SLC27A1: variants seen among roughly 807,000 people sequenced by gnomAD.
SLC27A1 encodes the protein long-chain fatty acid transport protein 1.
Under a neutral mutation model 62.2 loss-of-function variants are expected in SLC27A1, and 61 were observed. That is an observed-to-expected ratio of 0.98 (90% CI 0.80 to 1.21). The LOEUF is 1.21. Among genes scored for constraint, SLC27A1 ranks in the 50% most tolerant of loss-of-function variants. The probability of loss-of-function intolerance (pLI) is 0.00; values close to 1 mark genes in which losing one functional copy is unlikely to be tolerated. For missense variants in SLC27A1, 903 were observed against 932.1 expected (o/e 0.97, Z 0.41); for synonymous variants, 435 against 408.6 (o/e 1.06, Z -0.78).
At chr19:17,494,228 T>C (rs1317059485) in intron 6 of SLC27A1, among the ~76,000 whole-genome samples, 2 of 151,696 alleles carry the variant, frequency 1.3e-5, no homozygotes, top group African/African-American at 4.9e-5. Context: ...TTTCACGGTG[T>C]TAGCCAGGAT....
At chr19:17,488,802 A>T (rs2075263940) in intron 4 of SLC27A1, 46 bp from the exon 5 acceptor site, 3 of 1,559,430 alleles carry the variant, frequency 1.9e-6, no homozygotes, top group Non-Finnish European at 2.6e-6. Flanking sequence ...ACCCTGGGGG[A>T]TTTAGGTCCC....
chr19:17,481,366 G>T (rs543835543), intron 1 of SLC27A1, among the ~76,000 whole-genome samples: 7 of 148,184 alleles, frequency 4.7e-5, no homozygotes, highest in African/African-American at 1.8e-4. Flanking sequence ...ACCCAGGCTG[G>T]AGTGCAGTGG....
At position 17,470,579 on chromosome 19, in the gene SLC27A1, G is replaced by A. The variant is rs1002796349; in HGVS notation, c.39G>A (p.Ser13=). 7.0e-6 allele frequency: 11 copies of A among 1,571,806 alleles called. No homozygotes were observed. In the East Asian group the frequency reaches 1.4e-4, roughly 20 times the overall value. ...GTGCGGGCGCGGCCTCGGTGGTCTC[G>A]CTGGCGCTGTTGTGGCTGCTGGGGC... ...APGAGAASVV[S]LALLWLLGLP... is the part of the protein sequence containing the mutation. Residue 13 remains serine, a synonymous_variant, in exon 1 of 12, where the codon TCG becomes TCA. Transcript: ENST00000252595.
chr19:17,479,247 A>G (rs1011490946), intron 1 of SLC27A1, among the ~76,000 whole-genome samples: 2 of 152,204 alleles, frequency 1.3e-5, no homozygotes, highest in Non-Finnish European at 2.9e-5. Flanking sequence ...CTCTACAAAA[A>G]AATAAAACAA....
chr19:17,499,123 G>A (rs981201522), intron 7 of SLC27A1: 6 of 200,774 alleles, frequency 3.0e-5, no homozygotes, highest in African/African-American at 7.1e-5. Context: ...CCGGGGGAAA[G>A]GGAGACTCCC....
chr19:17,470,746 G>A (rs1226183063), intron 1 of SLC27A1, 39 bp downstream of exon 1: 9 of 1,531,426 alleles, frequency 5.9e-6, no homozygotes, highest in Non-Finnish European at 7.0e-6. Flanking sequence ...TGGGGGCGGG[G>A]CTGAGGGCTC....
At chr19:17,471,659 G>A (rs1323114908) in intron 1 of SLC27A1, among the ~76,000 whole-genome samples, 1 of 152,136 alleles carries the variant, frequency 6.6e-6, no homozygotes, top group Non-Finnish European at 1.5e-5. Context: ...AGATGGAGTA[G>A]CAAGAGGGAC....
chr19:17,501,390 T>C lies in SLC27A1; in HGVS notation c.1754T>C (p.Leu585Pro). The C allele has an allele frequency of 6.2e-7, 1 of 1,613,648 alleles. No individual in the cohort carries two copies. Among genetic ancestry groups the C allele is most frequent in the Non-Finnish European group, 8.5e-7 (1 of 1,179,882 alleles). ...GCACCCTATGCCCGGCCCATCTTCC[T>C]GCGCCTCCTGCCCCAGGTGGACACC... is the stretch of plus-strand genomic sequence containing the variant. ...VLAPYARPIF[L>P]RLLPQVDTTG... The change falls in exon 11 of 12, where the codon CTG becomes CCG. Residue 585 changes from leucine to proline, a missense_variant. Coordinates refer to ENST00000252595, the MANE Select transcript of SLC27A1 (RefSeq NM_198580.3).
In SLC27A1 at chr19:17,505,530, A is replaced by G. The variant is rs1014392927; in HGVS notation, c.*918A>G. On this transcript the variant is annotated 3_prime_UTR_variant, in exon 12 of 12. Transcript: ENST00000252595. ...TTTTGCACTTCCCCGTTCCTGTCACATTTCCCCAGCCCCACCTTCCCCTCC... is the reference window on the plus strand; with the variant it reads ...TTTTGCACTTCCCCGTTCCTGTCACGTTTCCCCAGCCCCACCTTCCCCTCC... The G allele has an allele frequency of 1.3e-5, 2 of 152,702 alleles. No individual in the cohort carries two copies. The highest frequency in any genetic ancestry group is 4.8e-5 in the African/African-American group (2 of 41,392). The allele number at this position is 152,702 out of a possible 1,614,324, so 9.5% of individuals were successfully genotyped here.
intron 6 of SLC27A1, 107 bp downstream of exon 6, chr19:17,489,224 A>C (rs2075270819): frequency 2.3e-6 from 2 of 875,830 alleles, no homozygotes; most frequent in Non-Finnish European, 3.6e-6. Flanking sequence ...CCTCCCAGCA[A>C]AGCCCCACCT....
Position 17,486,529 on chromosome 19 carries a change from C to T in SLC27A1, c.168-34C>T. On this transcript the variant is annotated intron_variant, in intron 1 of 11. Coordinates refer to ENST00000252595, the MANE Select transcript of SLC27A1 (RefSeq NM_198580.3). The surrounding 1 kb of genome is among the most constrained non-coding windows in gnomAD (Gnocchi z 6.6). ...CCCAGAGGCCAGGCGGGGCAGGGCA[C>T]CAGTGACGCTGTCCCCTCCGTCCTC... 6.5e-7 allele frequency: 1 copy of T among 1,536,364 alleles called. No homozygotes were observed. The highest frequency in any genetic ancestry group is 1.2e-5 in the South Asian group (1 of 84,280).
intron 6 of SLC27A1, among the ~76,000 whole-genome samples, chr19:17,493,706 C>T (rs1056835961): frequency 6.7e-6 from 1 of 149,658 alleles, no homozygotes; most frequent in Non-Finnish European, 1.5e-5. Flanking sequence ...CTCACTGCAA[C>T]CTCCTTCTCC....
At chr19:17,474,876 C>T (rs747966766) in intron 1 of SLC27A1, among the ~76,000 whole-genome samples, 1 of 150,236 alleles carries the variant, frequency 6.7e-6, no homozygotes, top group African/African-American at 2.4e-5. Flanking sequence ...GTGATCTGCC[C>T]GCCTGGGCCT....
intron 6 of SLC27A1, among the ~76,000 whole-genome samples, chr19:17,494,517 G>T (rs1293521577): frequency 6.6e-6 from 1 of 151,270 alleles, no homozygotes; most frequent in Non-Finnish European, 1.5e-5. Context: ...AGTAGAGATG[G>T]GGTTTCACCA....
chr19:17,500,264 T>C lies in SLC27A1; in HGVS notation c.1207-14T>C. 6.2e-7 allele frequency: 1 copy of C among 1,612,566 alleles called. No homozygotes were observed. The highest frequency in any genetic ancestry group is 2.2e-5 in the East Asian group (1 of 44,886). The stretch of plus-strand genomic sequence containing the variant: ...TATCCCCGGCTCCTTCCAACTCAGT[T>C]CACCCCATTCCAGGTCGGCTCCTGT... On this transcript the variant is annotated splice_polypyrimidine_tract_variant and intron_variant, in intron 7 of 11. Coordinates refer to ENST00000252595, the MANE Select transcript of SLC27A1 (RefSeq NM_198580.3).
upstream of SLC27A1, chr19:17,470,419 GGGCGCAGAGCCGAGGCC>G: frequency 1.7e-6 from 2 of 1,198,202 alleles, no homozygotes; most frequent in Non-Finnish European, 2.2e-6. Flanking sequence ...GACTCGCGGG[GGGCGCAGAGCCGAGGCC>G]TGGGGGCGCG....
Position 17,500,626 on chromosome 19 carries a change from C to G in SLC27A1, c.1465C>G (p.Leu489Val), listed in dbSNP as rs766846520. Residue 489 changes from leucine (L) to valine (V), a missense_variant, in exon 9 of 12, where the codon CTC (leucine) becomes GTC (valine). Physicochemically the swap from Leu to Val is conservative, Grantham distance 32. Coordinates refer to ENST00000252595, the MANE Select transcript of SLC27A1 (RefSeq NM_198580.3). ...CTTCAGCAAGGGCGACAGCGCCTAC[C>G]TCTCAGGTGCGCAGCCTGCTAGGCC... is the stretch of plus-strand genomic sequence containing the variant. Reference protein sequence around the residue: ...SVFSKGDSAYLSGDVLVMDEL... With the variant: ...SVFSKGDSAYVSGDVLVMDEL... 14 of 1,613,690 alleles carry G rather than the reference C, an allele frequency of 8.7e-6. No individual in the cohort carries two copies. The highest frequency in any genetic ancestry group is 5.0e-5 in the Admixed American group (3 of 59,992).
At chr19:17,487,723 C>T (rs1175990606) in intron 4 of SLC27A1, among the ~76,000 whole-genome samples, 194 bp downstream of exon 4, 3 of 152,112 alleles carry the variant, frequency 2.0e-5, no homozygotes, top group Non-Finnish European at 4.4e-5. Flanking sequence ...TCATTGCAAC[C>T]CTCATAACTG....
At chr19:17,503,898 C>G (rs1024461554) in intron 11 of SLC27A1, among the ~76,000 whole-genome samples, 9 of 143,852 alleles carry the variant, frequency 6.3e-5, no homozygotes, top group Non-Finnish European at 1.2e-4. Context: ...CACCACTGCA[C>G]TCCAGCCTGG....
Sources: allele counts gnomAD v4.1 joint callset (sites outside exome capture counted in the v4.1 genomes callset), GRCh38; gene constraint gnomAD v4.1.1; non-coding constraint Gnocchi (gnomAD v3.1); transcripts MANE v1.5; gene names NCBI Gene and HGNC (gene_info 2026-07-23, HGNC 2026-07-21).